TLL2: variants seen among roughly 807,000 people sequenced by gnomAD.
TLL2 encodes the protein tolloid-like protein 2.
Under a neutral mutation model 123.0 loss-of-function variants are expected in TLL2, and 106 were observed. The ratio of observed to expected loss-of-function variants is 0.86; its 90% CI spans 0.74 to 1.01. TLL2 has a LOEUF of 1.01. Ranked by LOEUF, TLL2 falls within the 50% of genes least tolerant of loss-of-function variation. The pLI is 0.00. For synonymous variants in TLL2, 494 were observed against 516.8 expected (o/e 0.96, Z 0.60); for missense variants, 1,332 against 1,336.7 (o/e 1.00, Z 0.06).
chr10:96,381,382 C>T (rs1234121444), intron 16 of TLL2, among the ~76,000 whole-genome samples: 1 of 152,210 alleles, frequency 6.6e-6, no homozygotes, highest in Non-Finnish European at 1.5e-5. Context: ...TGGCCTTCTC[C>T]AACTTGGCCC....
intron 2 of TLL2, among the ~76,000 whole-genome samples, chr10:96,473,448 C>T (rs1374781611): frequency 6.6e-6 from 1 of 152,032 alleles, no homozygotes; most frequent in African/African-American, 2.4e-5. Flanking sequence ...AAAATAAATA[C>T]AATGAAAAAA....
intron 9 of TLL2, among the ~76,000 whole-genome samples, chr10:96,407,653 A>G (rs898731056): frequency 6.6e-6 from 1 of 152,214 alleles, no homozygotes; most frequent in Non-Finnish European, 1.5e-5. Flanking sequence ...CAAGCTGCCC[A>G]TCTTGATTAG....
At chr10:96,376,084 G>C (rs1250227748) in intron 18 of TLL2, among the ~76,000 whole-genome samples, 1 of 152,156 alleles carries the variant, frequency 6.6e-6, no homozygotes, top group East Asian at 1.9e-4. Flanking sequence ...TTTAATTCAA[G>C]AGGGAATTTG....
rs563580159 is a variant in TLL2, at chr10:96,422,792, C to A, written c.639-65G>T. The stretch of plus-strand genomic sequence containing the variant: ...GACATTCAGAGCAAGAGGCAAGTCC[C>A]CCCTCCCACTCTGTATGTGTGTGCG... On this transcript the variant is annotated intron_variant, in intron 5 of 20. Transcript: ENST00000357947. The A allele has an allele frequency of 3.2e-6, 5 of 1,579,170 alleles. No homozygotes were observed. The African/African-American group carries it at 6.7e-5, about 21-fold the overall frequency.
intron 1 of TLL2, among the ~76,000 whole-genome samples, chr10:96,500,621 C>T (rs1297578502): frequency 6.6e-6 from 1 of 152,126 alleles, no homozygotes; most frequent in Non-Finnish European, 1.5e-5. Context: ...TGGCGAAACC[C>T]TGTCTCTACG....
At chr10:96,432,723 C>T in intron 4 of TLL2, 84 bp downstream of exon 4, 2 of 1,534,058 alleles carry the variant, frequency 1.3e-6, no homozygotes, top group Admixed American at 1.9e-5. Context: ...CTCCATCCCA[C>T]CCGGGTCCTT....
intron 2 of TLL2, among the ~76,000 whole-genome samples, chr10:96,450,158 CATGGATGGATGGATGGATGGATGG>C (rs3033656): frequency 6.6e-6 from 1 of 150,662 alleles, no homozygotes; most frequent in Non-Finnish European, 1.5e-5. Flanking sequence ...TGAATGAATG[CATGGATGGATGGATGGATGGATGG>C]ATGGATGGAT....
Position 96,441,279 on chromosome 10 carries a change from C to T in TLL2, c.364+4812G>A, listed in dbSNP as rs1426466827. Among the ~76,000 whole-genome samples the T allele has an allele frequency of 3.3e-5, 5 of 152,354 alleles. No individual in the cohort carries two copies. The East Asian group carries it at 9.6e-4, about 29-fold the overall frequency. On this transcript the variant is annotated intron_variant, in intron 3 of 20. Coordinates refer to ENST00000357947, the MANE Select transcript of TLL2 (RefSeq NM_012465.4). ...ACAGCCCAGCCATCTGCATAACCCT[C>T]ACCCCAAAGGTGATGGGTGAATTTG...
At chr10:96,413,568 C>T (rs574533511) in intron 7 of TLL2, among the ~76,000 whole-genome samples, 5 of 152,264 alleles carry the variant, frequency 3.3e-5, no homozygotes, top group South Asian at 2.1e-4. Context: ...TGCCCTAGTG[C>T]GGTAGCCCAG....
chr10:96,441,710 C>T (rs1219802966), intron 3 of TLL2, among the ~76,000 whole-genome samples: 1 of 152,178 alleles, frequency 6.6e-6, no homozygotes, highest in Non-Finnish European at 1.5e-5. Flanking sequence ...TAATGAATGT[C>T]AAATGCCTGC....
intron 2 of TLL2, among the ~76,000 whole-genome samples, chr10:96,447,694 G>T (rs1415124973): frequency 6.6e-6 from 1 of 152,142 alleles, no homozygotes; most frequent in Non-Finnish European, 1.5e-5. Flanking sequence ...AGCAACCAAA[G>T]GACAATCTAT....
intron 9 of TLL2, among the ~76,000 whole-genome samples, chr10:96,408,590 C>T (rs1296174747): frequency 2.0e-5 from 3 of 152,178 alleles, no homozygotes; most frequent in African/African-American, 7.2e-5. Flanking sequence ...TGTTAGCCTC[C>T]AGCAGGCACA....
chr10:96,389,851 T>C (rs557953811), intron 13 of TLL2, among the ~76,000 whole-genome samples: 1 of 152,322 alleles, frequency 6.6e-6, no homozygotes, highest in African/African-American at 2.4e-5. Context: ...TGCTCGGCCT[T>C]GGGAGGTAGA....
intron 1 of TLL2, among the ~76,000 whole-genome samples, chr10:96,491,242 C>T (rs1300808622): frequency 6.6e-6 from 1 of 151,856 alleles, no homozygotes; most frequent in African/African-American, 2.4e-5. Flanking sequence ...ATTAGCTGGG[C>T]GTGGTGGCGG....
rs1220428038 is a variant in TLL2, at chr10:96,459,684, AAAAAAAAAAAAAAAAAAAAAAATAT to A, written c.287-13541_287-13517del. Among the ~76,000 whole-genome samples the A allele has an allele frequency of 2.6e-4, 14 of 54,114 alleles. 1 individual carries two copies. The highest frequency in any genetic ancestry group is 5.1e-4 in the African/African-American group (7 of 13,856). The allele number at this position is 54,114 out of a possible 152,430, so 35.5% of individuals were successfully genotyped here. Reference sequence around the variant, plus strand: ...GATCCTGTTTCAAAAAAAAAAAAAAAAAAAAAAAAAAAAAAAAAAAAATATATATATATATATATATATATATAGC... The same window carrying A: ...GATCCTGTTTCAAAAAAAAAAAAAAAATATATATATATATATATATATAGC... On this transcript the variant is annotated intron_variant, in intron 2 of 20. Coordinates refer to ENST00000357947, the MANE Select transcript of TLL2 (RefSeq NM_012465.4).
intron 10 of TLL2, 151 bp downstream of exon 10, chr10:96,405,081 G>T: frequency 2.9e-6 from 2 of 678,286 alleles, no homozygotes; most frequent in South Asian, 2.0e-5. Context: ...CTTTTAACAT[G>T]TGTGGCCAAA....
intron 2 of TLL2, among the ~76,000 whole-genome samples, chr10:96,461,436 C>T (rs1036712405): frequency 6.6e-6 from 1 of 152,146 alleles, no homozygotes; most frequent in African/African-American, 2.4e-5. Context: ...CGGATGAGGG[C>T]AGCCTACAGA....
rs778668139 is a variant in TLL2, at chr10:96,397,191, T to C, written c.1379A>G (p.Tyr460Cys). The change falls in exon 11 of 21, where the codon TAC becomes TGC. Residue 460 changes from tyrosine to cysteine, a missense_variant. By Grantham distance (194) the Tyr-to-Cys change is radical. Transcript: ENST00000357947. ...TGCTTTCACCTCGCACAAACCTTCGTACGCTGCAAAGAAGCCCTTGCCCAA... is the reference window on the plus strand; with the variant it reads ...TGCTTTCACCTCGCACAAACCTTCGCACGCTGCAAAGAAGCCCTTGCCCAA... ...NILGKGFFAA[Y>C]EATCGGDMNK... 6.2e-7 allele frequency: 1 copy of C among 1,613,440 alleles called. No individual in the cohort carries two copies. Among genetic ancestry groups the C allele is most frequent in the East Asian group, 2.2e-5 (1 of 44,824 alleles).
chr10:96,422,689 T>C lies in TLL2; in HGVS notation c.677A>G (p.Gln226Arg). 1 of 1,614,216 alleles carries C rather than the reference T, an allele frequency of 6.2e-7. No individual in the cohort carries two copies. The highest frequency in any genetic ancestry group is 8.5e-7 in the Non-Finnish European group (1 of 1,180,028). ...SYVGRRGGGP[Q>R]AISIGKNCDK... ...ACAGTTCTTCCCAATGGATATGGCC[T>C]GTGGGCCTCCTCCTCGGCGCCCAAC... The change falls in exon 6 of 21, where the codon CAG becomes CGG. Residue 226 changes from glutamine (Q) to arginine (R), a missense_variant. Transcript: ENST00000357947.
Sources: gnomAD v4.1 joint callset for allele counts (sites outside exome capture counted in the v4.1 genomes callset) on GRCh38, gnomAD v4.1.1 for gene constraint, MANE v1.5 for transcripts, NCBI Gene and HGNC (gene_info 2026-07-23, HGNC 2026-07-21) for gene names.